PIK3CB: variants seen among roughly 807,000 people sequenced by gnomAD.
The protein encoded by PIK3CB is phosphatidylinositol-4,5-bisphosphate 3-kinase catalytic subunit beta.
In PIK3CB, 39 loss-of-function variants were observed where a neutral mutation model predicts 136.8. The observed-to-expected ratio is 0.29, with a 90% CI of 0.22 to 0.37. The LOEUF (loss-of-function observed/expected upper bound fraction) is 0.37. PIK3CB is among the 10% of genes least tolerant of loss of function. The pLI, the probability that PIK3CB is intolerant of heterozygous loss-of-function variation, is 1.00. For synonymous variants in PIK3CB, 428 were observed against 436.6 expected (o/e 0.98, Z 0.25); for missense variants, 868 against 1,275.4 (o/e 0.68, Z 4.87).
At chr3:138,822,989 C>T (rs1238008409) in intron 1 of PIK3CB, among the ~76,000 whole-genome samples, 2 of 146,818 alleles carry the variant, frequency 1.4e-5, no homozygotes, top group Non-Finnish European at 3.0e-5. Flanking sequence ...GGCGTGATCT[C>T]GGCTCACTGC....
intron 21 of PIK3CB, among the ~76,000 whole-genome samples, 189 bp from the exon 22 acceptor site, chr3:138,658,024 A>C (rs1195463314): frequency 6.6e-6 from 1 of 152,232 alleles, no homozygotes; most frequent in Non-Finnish European, 1.5e-5. Flanking sequence ...TTTTACAATC[A>C]ATAATAAATA....
chr3:138,724,272 A>C (rs1428702307), intron 8 of PIK3CB, among the ~76,000 whole-genome samples: 1 of 152,190 alleles, frequency 6.6e-6, no homozygotes, highest in Non-Finnish European at 1.5e-5. Flanking sequence ...ATTATAAAGG[A>C]TATTACAAAG....
intron 1 of PIK3CB, among the ~76,000 whole-genome samples, chr3:138,811,531 T>C (rs1933059554): frequency 6.6e-6 from 1 of 151,236 alleles, no homozygotes; most frequent in Non-Finnish European, 1.5e-5. Flanking sequence ...GTTCAAGCGA[T>C]TCTCCTGCCT....
intron 4 of PIK3CB, 36 bp from the exon 5 acceptor site, chr3:138,742,817 C>A: frequency 9.0e-7 from 1 of 1,111,388 alleles, no homozygotes; most frequent in Non-Finnish European, 1.3e-6. Flanking sequence ...TTTTCAGTAA[C>A]TAACAATAAT....
At chr3:138,716,919 A>T (rs2044620627) in intron 8 of PIK3CB, among the ~76,000 whole-genome samples, 1 of 149,974 alleles carries the variant, frequency 6.7e-6, no homozygotes, top group Admixed American at 6.6e-5. Flanking sequence ...AAAAAAAAAA[A>T]AAAGCATGTT....
At chr3:138,725,131 T>C (rs2044809648) in intron 8 of PIK3CB, among the ~76,000 whole-genome samples, 1 of 152,144 alleles carries the variant, frequency 6.6e-6, no homozygotes, top group Non-Finnish European at 1.5e-5. Context: ...ATGCCCAGAC[T>C]TCACTTCTAT....
intron 1 of PIK3CB, among the ~76,000 whole-genome samples, chr3:138,828,009 A>C (rs1181198761): frequency 2.6e-5 from 4 of 151,726 alleles, no homozygotes; most frequent in Non-Finnish European, 5.9e-5. Context: ...AACAAAACAA[A>C]AAAAGGTACC....
At chr3:138,719,526 C>T (rs190085428) in intron 8 of PIK3CB, among the ~76,000 whole-genome samples, 15 of 152,076 alleles carry the variant, frequency 9.9e-5, no homozygotes, top group East Asian at 1.9e-4. Flanking sequence ...CCTTTAACAC[C>T]GGTCTAGCGT....
At chr3:138,811,191 C>A (rs934310174) in intron 1 of PIK3CB, among the ~76,000 whole-genome samples, 1 of 125,188 alleles carries the variant, frequency 8.0e-6, no homozygotes. Context: ...TGCAGTGAGC[C>A]GAGATTGCAC....
At chr3:138,743,353 C>A (rs1287216036) in intron 4 of PIK3CB, among the ~76,000 whole-genome samples, 1 of 152,036 alleles carries the variant, frequency 6.6e-6, no homozygotes, top group African/African-American at 2.4e-5. Flanking sequence ...AAAACAAAAA[C>A]AAACCAAAGA....
chr3:138,776,248 C>G (rs1277725748), intron 2 of PIK3CB, among the ~76,000 whole-genome samples: 1 of 152,018 alleles, frequency 6.6e-6, no homozygotes, highest in Admixed American at 6.6e-5. Flanking sequence ...CATTTCATAC[C>G]ATTAGTATAA....
chr3:138,719,368 C>T (rs1373119932), intron 8 of PIK3CB, among the ~76,000 whole-genome samples: 3 of 150,910 alleles, frequency 2.0e-5, no homozygotes, highest in African/African-American at 7.3e-5. Context: ...ACTTCAGCCT[C>T]CCAAGTAGCT....
chr3:138,695,080 T>C (rs566910615), intron 13 of PIK3CB, among the ~76,000 whole-genome samples, 173 bp from the exon 14 acceptor site: 34 of 152,356 alleles, frequency 2.2e-4, no homozygotes, highest in African/African-American at 7.7e-4. Flanking sequence ...GTCTTTGTTG[T>C]TGAAACATTC....
chr3:138,771,972 T>C (rs1158272235), intron 2 of PIK3CB, among the ~76,000 whole-genome samples: 1 of 151,598 alleles, frequency 6.6e-6, no homozygotes, highest in African/African-American at 2.4e-5. Context: ...TTGAATAACT[T>C]GGTAATTCCA....
At chr3:138,681,779 T>C (rs113560409) in intron 19 of PIK3CB, among the ~76,000 whole-genome samples, 188 bp downstream of exon 19, 30 of 152,322 alleles carry the variant, frequency 2.0e-4, no homozygotes, top group African/African-American at 6.7e-4. Context: ...CAGTAACATG[T>C]GTAGTTTTAA....
At chr3:138,820,607 C>G (rs1387724047) in intron 1 of PIK3CB, among the ~76,000 whole-genome samples, 1 of 152,170 alleles carries the variant, frequency 6.6e-6, no homozygotes, top group African/African-American at 2.4e-5. Context: ...AATTCTCCTG[C>G]CTCGGCCTCC....
chr3:138,696,181 C>CT lies in PIK3CB; in HGVS notation c.1771-1275dup, dbSNP rs200970812. Among the ~76,000 whole-genome samples the CT allele has an allele frequency of 9.2e-3, 1,287 of 139,262 alleles. 9 individuals carry two copies. Among genetic ancestry groups the CT allele is most frequent in the East Asian group, 0.016 (76 of 4,892 alleles). 91.4% of individuals were successfully genotyped at this position (139,262 alleles called of 152,430 possible). A position where few individuals can be genotyped will look rare whatever the true frequency, so the allele number is the denominator to read the frequency against. ...TGCCTAGTAATTTTTAAATTTTAACCTTTTTTTTTTTTTTTGTAAGAGATA... is the reference window on the plus strand; with the variant it reads ...TGCCTAGTAATTTTTAAATTTTAACCTTTTTTTTTTTTTTTTGTAAGAGATA... On this transcript the variant is annotated intron_variant, in intron 13 of 23. Coordinates refer to ENST00000674063, the MANE Select transcript of PIK3CB (RefSeq NM_006219.3).
chr3:138,693,952 T>TAC (rs2044068846), intron 14 of PIK3CB, among the ~76,000 whole-genome samples: 1 of 35,840 alleles, frequency 2.8e-5, no homozygotes, highest in East Asian at 0.012. Context: ...TATATATATA[T>TAC]ATATATATAT....
chr3:138,816,395 A>G (rs1322344597), intron 1 of PIK3CB, among the ~76,000 whole-genome samples: 1 of 152,034 alleles, frequency 6.6e-6, no homozygotes, highest in African/African-American at 2.4e-5. Context: ...AGAGTTTGAG[A>G]CCAGCCTGGC....
Sources: gnomAD v4.1 joint callset for allele counts (sites outside exome capture counted in the v4.1 genomes callset) on GRCh38, gnomAD v4.1.1 for gene constraint, MANE v1.5 for transcripts, NCBI Gene and HGNC (gene_info 2026-07-23, HGNC 2026-07-21) for gene names.